RGS12: variants seen among roughly 807,000 people sequenced by gnomAD.
The protein encoded by RGS12 is regulator of G-protein signaling 12.
Under a neutral mutation model 120.1 loss-of-function variants are expected in RGS12, and 66 were observed. The observed-to-expected ratio is 0.55, with a 90% CI of 0.45 to 0.67. The LOEUF (loss-of-function observed/expected upper bound fraction) is 0.67, where lower values mean the gene tolerates loss of function less well. Ranked by LOEUF, RGS12 falls within the 30% of genes least tolerant of loss-of-function variation. The pLI is 0.00. For synonymous variants in RGS12, 827 were observed against 804.7 expected (o/e 1.03, Z -0.47); for missense variants, 1,859 against 1,957.7 (o/e 0.95, Z 0.95).
chr4:3,293,563 A>C (rs1287203660), intron 1 of RGS12, among the ~76,000 whole-genome samples: 1 of 152,170 alleles, frequency 6.6e-6, no homozygotes, highest in Non-Finnish European at 1.5e-5. Flanking sequence ...CCCGAACTCC[A>C]GACGCACTGC....
chr4:3,289,292 T>C (rs1185454248), upstream of RGS12, among the ~76,000 whole-genome samples: 1 of 151,970 alleles, frequency 6.6e-6, no homozygotes, highest in African/African-American at 2.4e-5. Context: ...CAACCTCACT[T>C]CTCAGGCTCA....
chr4:3,433,852 T>C lies in RGS12; in HGVS notation c.4114+2897T>C, dbSNP rs1204642966. Among the ~76,000 whole-genome samples, 1 of 151,732 alleles carries C rather than the reference T, an allele frequency of 6.6e-6. No individual in the cohort carries two copies. Among genetic ancestry groups the C allele is most frequent in the Non-Finnish European group, 1.5e-5 (1 of 67,988 alleles). Reference sequence around the variant, plus strand: ...GGCCGGTGCCCCCATGCATGTCTGGTCCCGGGAGGCATGTGGGTGGGTCTC... The same window carrying C: ...GGCCGGTGCCCCCATGCATGTCTGGCCCCGGGAGGCATGTGGGTGGGTCTC... On this transcript the variant is annotated intron_variant, in intron 17 of 17. Coordinates refer to ENST00000336727, the MANE Select transcript of RGS12 (RefSeq NM_001394154.1). The surrounding 1 kb of genome is among the most constrained non-coding windows in gnomAD (Gnocchi z 4.4).
intron 1 of RGS12, 53 bp from the exon 2 acceptor site, chr4:3,316,017 T>A: frequency 3.0e-6 from 2 of 658,666 alleles, no homozygotes; most frequent in Non-Finnish European, 5.0e-6. Context: ...TACCAGTGAG[T>A]GGTGGAGAAA....
At chr4:3,304,932 GCAGGGCTGTGATCAAGGCGTTGGC>G (rs1227963747) in intron 1 of RGS12, among the ~76,000 whole-genome samples, 7 of 152,252 alleles carry the variant, frequency 4.6e-5, no homozygotes, top group Non-Finnish European at 8.8e-5. Flanking sequence ...TGAGGCTCAC[GCAGGGCTGTGATCAAGGCGTTGGC>G]CAGGGCTGTG....
chr4:3,429,361 C>A (rs2109221738), intron 16 of RGS12, among the ~76,000 whole-genome samples: 1 of 152,322 alleles, frequency 6.6e-6, no homozygotes, highest in South Asian at 2.1e-4. Context: ...GAATTTTCAT[C>A]CAGGGCGTAC....
At chr4:3,292,936 G>A (rs1317902180), upstream of RGS12, 1 of 93,500 alleles carries the variant, frequency 1.1e-5, no homozygotes, top group Non-Finnish European at 2.3e-5. Flanking sequence ...CCTTGGCCCC[G>A]CCTCACCAGG....
At chr4:3,424,589 C>T (rs1053061287) in intron 13 of RGS12, among the ~76,000 whole-genome samples, 6 of 152,190 alleles carry the variant, frequency 3.9e-5, no homozygotes, top group African/African-American at 1.2e-4. Flanking sequence ...GTCGTGGCAG[C>T]GTGCTCGTGG....
At chr4:3,404,256 A>G (rs1273775121) in intron 4 of RGS12, among the ~76,000 whole-genome samples, 1 of 152,226 alleles carries the variant, frequency 6.6e-6, no homozygotes, top group Non-Finnish European at 1.5e-5. Flanking sequence ...CAATCACATC[A>G]TGGCAGCCAG....
chr4:3,410,435 G>A (rs1721610119), intron 4 of RGS12, among the ~76,000 whole-genome samples: 1 of 152,094 alleles, frequency 6.6e-6, no homozygotes, highest in South Asian at 2.1e-4. Flanking sequence ...ATCGGCCCCC[G>A]AGGCTGTTTC....
At chr4:3,346,044 C>G (rs183022562) in intron 3 of RGS12, among the ~76,000 whole-genome samples, 1 of 152,214 alleles carries the variant, frequency 6.6e-6, no homozygotes, top group East Asian at 1.9e-4. Flanking sequence ...CATGCCCCGA[C>G]CTGTTTTCTT....
At chr4:3,339,946 A>T (rs113569567) in intron 2 of RGS12, among the ~76,000 whole-genome samples, 1 of 152,238 alleles carries the variant, frequency 6.6e-6, no homozygotes, top group Non-Finnish European at 1.5e-5. Context: ...CCTTAATCTC[A>T]CAAAGCCATG....
chr4:3,295,482 G>A (rs1042589830), intron 1 of RGS12, among the ~76,000 whole-genome samples: 2 of 151,984 alleles, frequency 1.3e-5, no homozygotes, highest in African/African-American at 4.8e-5. Flanking sequence ...CCAACATGGT[G>A]AAACCCCGTC....
intron 3 of RGS12, among the ~76,000 whole-genome samples, chr4:3,355,061 A>G (rs1270327990): frequency 6.6e-6 from 1 of 152,260 alleles, no homozygotes; most frequent in Non-Finnish European, 1.5e-5. Context: ...TAAACAAAAC[A>G]TTAGCAAGGT....
intron 3 of RGS12, among the ~76,000 whole-genome samples, chr4:3,377,641 A>C (rs1201108816): frequency 2.6e-5 from 4 of 152,216 alleles, no homozygotes; most frequent in Non-Finnish European, 5.9e-5. Flanking sequence ...AACCTTAATA[A>C]AGGTTAGATT....
intron 1 of RGS12, among the ~76,000 whole-genome samples, chr4:3,295,226 T>TG (rs1723307972): frequency 6.6e-6 from 1 of 152,014 alleles, no homozygotes; most frequent in East Asian, 1.9e-4. Flanking sequence ...GTAGAGGAGA[T>TG]GGAGGACAGG....
At chr4:3,421,506 G>C (rs1014380952) in intron 10 of RGS12, among the ~76,000 whole-genome samples, 2 of 152,242 alleles carry the variant, frequency 1.3e-5, no homozygotes, top group Non-Finnish European at 2.9e-5. Flanking sequence ...CGCCTGGGTG[G>C]TTCTGCCCAT....
intron 3 of RGS12, among the ~76,000 whole-genome samples, chr4:3,376,775 GGAGTGCA>G (rs555051510): frequency 5.1e-4 from 78 of 152,324 alleles, no homozygotes; most frequent in Admixed American, 2.4e-3. Flanking sequence ...CCAGCATGTG[GGAGTGCA>G]GTGAGCCACT....
chr4:3,298,433 C>T (rs1184833936), intron 1 of RGS12, among the ~76,000 whole-genome samples: 4 of 152,238 alleles, frequency 2.6e-5, no homozygotes, highest in African/African-American at 9.6e-5. Flanking sequence ...TCGCTGCAGC[C>T]CCAAACTCCT....
intron 8 of RGS12, 99 bp downstream of exon 8, chr4:3,417,191 A>G: frequency 7.3e-7 from 1 of 1,371,362 alleles, no homozygotes; most frequent in Non-Finnish European, 9.7e-7. Flanking sequence ...CGGCGTCTTC[A>G]CCAGTGGTGG....
Sources: allele counts gnomAD v4.1 joint callset (sites outside exome capture counted in the v4.1 genomes callset), GRCh38; gene constraint gnomAD v4.1.1; non-coding constraint Gnocchi (gnomAD v3.1); transcripts MANE v1.5; gene names NCBI Gene and HGNC (gene_info 2026-07-23, HGNC 2026-07-21).